The following AGBL2 variants were observed in gnomAD, a reference collection of about 807,000 sequenced individuals.
The protein encoded by AGBL2 is cytosolic carboxypeptidase 2.
A neutral mutation model predicts 103.0 loss-of-function variants in AGBL2; 87 were observed. That is an observed-to-expected ratio of 0.84 (90% CI 0.71 to 1.01). The LOEUF (loss-of-function observed/expected upper bound fraction) is 1.01. Ranked by LOEUF, AGBL2 falls within the 50% of genes least tolerant of loss-of-function variation. The probability of loss-of-function intolerance (pLI) is 0.00; values close to 1 mark genes in which losing one functional copy is unlikely to be tolerated. For synonymous variants in AGBL2, 335 were observed against 356.7 expected, an observed-to-expected ratio of 0.94 and a Z score of 0.69; for missense variants, 904 against 1,023.5, an observed-to-expected ratio of 0.88 and a Z score of 1.59.
chr11:47,681,605 C>T (rs1003870036), intron 12 of AGBL2, among the ~76,000 whole-genome samples: 7 of 152,272 alleles, frequency 4.6e-5, no homozygotes, highest in Non-Finnish European at 8.8e-5. Flanking sequence ...GTAGCTGGGA[C>T]TACCGGCACG....
Position 47,661,697 on chromosome 11 carries a change from A to C in AGBL2, c.2535+1329T>G, listed in dbSNP as rs377256454. ...TGTTTTACCCAGACTCATGTGAACA[A>C]CACCCTCCTGTACACATTCCCTGGG... is the stretch of plus-strand genomic sequence containing the variant. On this transcript the variant is annotated intron_variant, in intron 18 of 18. Coordinates refer to ENST00000525123, the MANE Select transcript of AGBL2 (RefSeq NM_024783.4). Among the ~76,000 whole-genome samples, 18 of 151,962 alleles carry C rather than the reference A, an allele frequency of 1.2e-4. No homozygotes were observed. In the East Asian group the frequency reaches 2.1e-3, roughly 18 times the overall value.
intron 14 of AGBL2, among the ~76,000 whole-genome samples, chr11:47,670,951 C>T (rs192673798): frequency 1.3e-5 from 2 of 151,164 alleles, no homozygotes; most frequent in African/African-American, 2.4e-5. Flanking sequence ...GCTGTGATTG[C>T]GCCACTGACT....
In AGBL2 at chr11:47,667,939, T is replaced by TGGCTCATG. The variant is rs1266785973; in HGVS notation, c.2215-251_2215-244dup. On this transcript the variant is annotated intron_variant, in intron 15 of 18. Coordinates refer to ENST00000525123, the MANE Select transcript of AGBL2 (RefSeq NM_024783.4). ...AAGGGGTACTTATGGTTGGGCATGGTGGCTCATGCCTGTAATCCCAACACT... is the reference window on the plus strand; with the variant it reads ...AAGGGGTACTTATGGTTGGGCATGGTGGCTCATGGGCTCATGCCTGTAATCCCAACACT... 2.6e-5 allele frequency among the ~76,000 whole-genome samples: 4 copies of TGGCTCATG among 152,310 alleles called. No homozygotes were observed. In the South Asian group the frequency reaches 8.3e-4, roughly 32 times the overall value.
rs2097541261 is a variant in AGBL2 at position 47,713,411 on chromosome 11, G to T, written c.97+873C>A. ...GTGGTGGCTCGTGCCTGTAATCCCAGCTACTCAGGAGGCTGAGGCAGGAGA... is the reference window on the plus strand; with the variant it reads ...GTGGTGGCTCGTGCCTGTAATCCCATCTACTCAGGAGGCTGAGGCAGGAGA... On this transcript the variant is annotated intron_variant, in intron 3 of 18. Transcript: ENST00000525123. Among the ~76,000 whole-genome samples, 6 of 147,536 alleles carry T rather than the reference G, an allele frequency of 4.1e-5. No individual in the cohort carries two copies. The Admixed American group carries it at 4.1e-4, about 10-fold the overall frequency.
intron 4 of AGBL2, among the ~76,000 whole-genome samples, chr11:47,708,280 C>G (rs1462024148): frequency 1.3e-5 from 2 of 151,318 alleles, no homozygotes; most frequent in African/African-American, 4.8e-5. Flanking sequence ...ATTGGCCAGG[C>G]TGGCTTCGAA....
intron 3 of AGBL2, among the ~76,000 whole-genome samples, chr11:47,713,090 A>G (rs2135042009): frequency 6.7e-6 from 1 of 149,872 alleles, no homozygotes; most frequent in South Asian, 2.1e-4. Context: ...CTGTAATCCC[A>G]CCACTTTGGG....
intron 18 of AGBL2, among the ~76,000 whole-genome samples, chr11:47,661,991 C>T (rs1277246054): frequency 2.0e-5 from 3 of 151,344 alleles, no homozygotes; most frequent in Admixed American, 6.6e-5. Flanking sequence ...TCAGGTTATC[C>T]GCCCACCTCG....
intron 13 of AGBL2, among the ~76,000 whole-genome samples, chr11:47,677,721 G>T (rs1182276282): frequency 6.6e-6 from 1 of 152,108 alleles, no homozygotes; most frequent in Non-Finnish European, 1.5e-5. Flanking sequence ...CCAAAGTGCT[G>T]GGATTACAGG....
chr11:47,673,673 A>G (rs1430858733), intron 14 of AGBL2, among the ~76,000 whole-genome samples: 1 of 151,178 alleles, frequency 6.6e-6, no homozygotes, highest in Non-Finnish European at 1.5e-5. Flanking sequence ...CGCCTGTAAT[A>G]ATCCCAGCTA....
chr11:47,659,990 A>T lies in AGBL2; in HGVS notation c.*183T>A. The T allele has an allele frequency of 2.1e-6, 1 of 482,148 alleles. No homozygotes were observed. The highest frequency in any genetic ancestry group is 3.5e-6 in the Non-Finnish European group (1 of 289,186). The allele number at this position is 482,148 out of a possible 1,614,324, so 29.9% of individuals were successfully genotyped here. On this transcript the variant is annotated 3_prime_UTR_variant, in exon 19 of 19. Transcript: ENST00000525123. ...ATTTTATGAAAAAATAGTTGAATTC[A>T]TGAGGTATGCATCTTGACCACATGC... is the stretch of plus-strand genomic sequence containing the variant.
chr11:47,675,293 C>T (rs1048467887), intron 14 of AGBL2, among the ~76,000 whole-genome samples: 1 of 142,084 alleles, frequency 7.0e-6, no homozygotes, highest in South Asian at 2.4e-4. Flanking sequence ...ACTGCAACCT[C>T]GAATTTCTGA....
At chr11:47,693,821 T>C (rs117961497) in intron 8 of AGBL2, among the ~76,000 whole-genome samples, 1 of 152,174 alleles carries the variant, frequency 6.6e-6, no homozygotes, top group African/African-American at 2.4e-5. Flanking sequence ...ATTCTTGTCA[T>C]GTGTAGGTCA....
At chr11:47,701,055 CA>C (rs527373784) in intron 7 of AGBL2, among the ~76,000 whole-genome samples, 551 of 132,018 alleles carry the variant, frequency 4.2e-3, no homozygotes, top group Middle Eastern at 8.3e-3. Context: ...GACTCTGTCT[CA>C]AAAAAAAAAA....
intron 14 of AGBL2, among the ~76,000 whole-genome samples, chr11:47,669,745 G>A (rs996240571): frequency 6.6e-6 from 1 of 151,786 alleles, no homozygotes; most frequent in Non-Finnish European, 1.5e-5. Context: ...TCGAGTAGCT[G>A]GAACTACAGG....
chr11:47,679,340 G>A (rs898435007), intron 13 of AGBL2, among the ~76,000 whole-genome samples: 9 of 151,678 alleles, frequency 5.9e-5, no homozygotes, highest in Non-Finnish European at 8.8e-5. Flanking sequence ...GCAATGAGCC[G>A]TGATCACCCC....
At chr11:47,671,304 C>T (rs573695317) in intron 14 of AGBL2, among the ~76,000 whole-genome samples, 64 of 152,040 alleles carry the variant, frequency 4.2e-4, no homozygotes, top group African/African-American at 1.5e-3. Flanking sequence ...CACTTGAGGT[C>T]AGGAATTCGA....
intron 17 of AGBL2, among the ~76,000 whole-genome samples, chr11:47,664,654 G>A (rs542300560): frequency 3.3e-5 from 5 of 151,494 alleles, no homozygotes; most frequent in South Asian, 2.1e-4. Context: ...CTCGTGATCC[G>A]CCTGCCTCAG....
intron 10 of AGBL2, among the ~76,000 whole-genome samples, chr11:47,688,752 T>G (rs948231823): frequency 2.6e-5 from 4 of 152,140 alleles, no homozygotes; most frequent in African/African-American, 7.2e-5. Flanking sequence ...AACTCAGGCC[T>G]GTCTGACTCT....
chr11:47,710,320 C>G lies in AGBL2; in HGVS notation c.232+57G>C, dbSNP rs2097533157. On this transcript the variant is annotated intron_variant, in intron 4 of 18. Transcript: ENST00000525123. ...GTTAGAGCAGATTCTTCTGAATACT[C>G]AGAGGAGTTACTAGGCAATGAGGTT... 8.7e-6 allele frequency: 14 copies of G among 1,610,098 alleles called. No individual in the cohort carries two copies. The East Asian group carries it at 3.1e-4, about 36-fold the overall frequency.
Sources: gnomAD v4.1 joint callset for allele counts (sites outside exome capture counted in the v4.1 genomes callset) on GRCh38, gnomAD v4.1.1 for gene constraint, MANE v1.5 for transcripts, NCBI Gene and HGNC (gene_info 2026-07-23, HGNC 2026-07-21) for gene names.